WDPCP: variants seen among roughly 807,000 people sequenced by gnomAD.
WDPCP encodes WD repeat containing planar cell polarity effector.
Under a neutral mutation model 93.1 loss-of-function variants are expected in WDPCP, and 71 were observed. That is an observed-to-expected ratio of 0.76 (90% CI 0.63 to 0.93). WDPCP has a LOEUF of 0.93. Ranked by LOEUF, WDPCP falls within the 40% of genes least tolerant of loss-of-function variation. The pLI is 0.00. For missense variants in WDPCP, 844 were observed against 887.4 expected (o/e 0.95, Z 0.62); for synonymous variants, 315 against 315.0 (o/e 1.00, Z 0.00).
At chr2:63,657,225 G>A (rs1163386490) in intron 2 of WDPCP, among the ~76,000 whole-genome samples, 2 of 26,756 alleles carry the variant, frequency 7.5e-5, no homozygotes, top group Admixed American at 4.4e-4. Flanking sequence ...TTTTTTTTGC[G>A]ACGGAGTCTC....
At chr2:63,624,946 C>A (rs1477635190) in intron 3 of WDPCP, among the ~76,000 whole-genome samples, 1 of 152,138 alleles carries the variant, frequency 6.6e-6, no homozygotes, top group Non-Finnish European at 1.5e-5. Context: ...ACTGGCAAAC[C>A]AAATCCAGCA....
intron 13 of WDPCP, among the ~76,000 whole-genome samples, 193 bp downstream of exon 13, chr2:63,313,055 T>A (rs1318454687): frequency 6.6e-6 from 1 of 152,104 alleles, no homozygotes; most frequent in Non-Finnish European, 1.5e-5. Flanking sequence ...GCAAACAAAA[T>A]GTCAACAAAT....
At chr2:63,187,130 T>C (rs2104171012) in intron 14 of WDPCP, among the ~76,000 whole-genome samples, 1 of 152,336 alleles carries the variant, frequency 6.6e-6, no homozygotes, top group East Asian at 1.9e-4. Flanking sequence ...CTTAGTCTCT[T>C]GTGACAGTTT....
chr2:63,747,096 C>T (rs1018237639), intron 2 of WDPCP, among the ~76,000 whole-genome samples: 3 of 152,064 alleles, frequency 2.0e-5, no homozygotes, highest in Non-Finnish European at 4.4e-5. Context: ...GTTGAAATAT[C>T]GGGGGCTGAA....
chr2:63,730,744 A>G (rs1669550220), intron 2 of WDPCP, among the ~76,000 whole-genome samples: 1 of 152,194 alleles, frequency 6.6e-6, no homozygotes, highest in Middle Eastern at 3.2e-3. Context: ...AGAGAAAAGA[A>G]AAAATGGGCA....
At chr2:63,706,656 C>T (rs2103732388) in intron 2 of WDPCP, among the ~76,000 whole-genome samples, 1 of 127,288 alleles carries the variant, frequency 7.9e-6, no homozygotes, top group Middle Eastern at 6.3e-3. Flanking sequence ...GTCGCCCAGG[C>T]TGGACTGCGG....
intron 2 of WDPCP, among the ~76,000 whole-genome samples, chr2:63,750,558 G>T (rs1391041684): frequency 6.6e-6 from 1 of 152,026 alleles, no homozygotes; most frequent in East Asian, 1.9e-4. Flanking sequence ...AAGTTGTAAG[G>T]GTGGGCCTTC....
chr2:63,491,851 C>T (rs1020902407), intron 2 of WDPCP, among the ~76,000 whole-genome samples: 2 of 152,066 alleles, frequency 1.3e-5, no homozygotes, highest in Non-Finnish European at 2.9e-5. Flanking sequence ...TTGGAACTCT[C>T]CTCTGCAGGC....
chr2:63,504,709 A>G (rs1246946364), intron 1 of WDPCP, among the ~76,000 whole-genome samples: 23 of 152,068 alleles, frequency 1.5e-4, no homozygotes, highest in Non-Finnish European at 1.5e-5. Context: ...GGAAAGGGAT[A>G]TGGATGGAAA....
At chr2:63,285,085 G>A (rs1683881106) in intron 13 of WDPCP, among the ~76,000 whole-genome samples, 1 of 152,178 alleles carries the variant, frequency 6.6e-6, no homozygotes, top group South Asian at 2.1e-4. Context: ...AAAATGAAAT[G>A]ACAGGTTTAA....
intron 14 of WDPCP, among the ~76,000 whole-genome samples, chr2:63,239,129 G>C (rs527251306): frequency 1.4e-4 from 22 of 152,292 alleles, no homozygotes; most frequent in African/African-American, 5.3e-4. Flanking sequence ...GTGTATGTGG[G>C]AGCTGAAATA....
chr2:63,283,273 G>A (rs1234569968), intron 13 of WDPCP, among the ~76,000 whole-genome samples: 2 of 152,166 alleles, frequency 1.3e-5, no homozygotes, highest in African/African-American at 2.4e-5. Flanking sequence ...AAAGGCCTGG[G>A]CTCAAGCAAT....
intron 11 of WDPCP, 138 bp from the exon 12 acceptor site, chr2:63,378,647 T>C: frequency 8.3e-7 from 1 of 1,204,068 alleles, no homozygotes; most frequent in Non-Finnish European, 1.2e-6. Flanking sequence ...AAAATTAAAA[T>C]ATGACAGCTG....
chr2:63,554,955 C>G (rs1575637654), intron 1 of WDPCP, among the ~76,000 whole-genome samples: 1 of 152,204 alleles, frequency 6.6e-6, no homozygotes, highest in Admixed American at 6.5e-5. Flanking sequence ...AGAAACCACA[C>G]TTTTTCCACA....
intron 2 of WDPCP, among the ~76,000 whole-genome samples, chr2:63,762,282 A>C (rs1325219734): frequency 4.6e-5 from 7 of 152,200 alleles, no homozygotes; most frequent in Non-Finnish European, 8.8e-5. Context: ...GCCTTTTTCT[A>C]TAAGGGTTTT....
At chr2:63,676,745 C>T (rs1164896713) in intron 2 of WDPCP, among the ~76,000 whole-genome samples, 1 of 151,642 alleles carries the variant, frequency 6.6e-6, no homozygotes, top group Non-Finnish European at 1.5e-5. Context: ...ATTTGTGGTG[C>T]TTTTTAGGGA....
intron 6 of WDPCP, among the ~76,000 whole-genome samples, chr2:63,482,889 A>G (rs1385254396): frequency 6.6e-6 from 1 of 152,018 alleles, no homozygotes; most frequent in Non-Finnish European, 1.5e-5. Flanking sequence ...AAGCAGATTC[A>G]TTGGTACACC....
At chr2:63,257,037 T>A (rs73934639) in intron 14 of WDPCP, among the ~76,000 whole-genome samples, 2,078 of 152,282 alleles carry the variant, frequency 0.014, 47 homozygotes, top group African/African-American at 0.047. Flanking sequence ...CACATGCTTA[T>A]GTTTTGTGCA....
intron 15 of WDPCP, among the ~76,000 whole-genome samples, chr2:63,155,699 A>G (rs1672193119): frequency 6.6e-6 from 1 of 152,238 alleles, no homozygotes. Context: ...GCAAAACCAA[A>G]AATCTTTACT....
Sources: gnomAD v4.1 joint callset for allele counts (sites outside exome capture counted in the v4.1 genomes callset) on GRCh38, gnomAD v4.1.1 for gene constraint, MANE v1.5 for transcripts, NCBI Gene and HGNC (gene_info 2026-07-23, HGNC 2026-07-21) for gene names.